The following TMEM72 variants were observed in gnomAD, a reference collection of about 807,000 sequenced individuals.
TMEM72 encodes the protein transmembrane protein 72.
In TMEM72, 9 loss-of-function variants were observed where a neutral mutation model predicts 16.3. That is an observed-to-expected ratio of 0.55 (90% confidence interval 0.33 to 0.96). The LOEUF (loss-of-function observed/expected upper bound fraction) is 0.96, where lower values mean the gene tolerates loss of function less well. Among genes scored for constraint, TMEM72 ranks in the 40% least tolerant of loss-of-function variants. The pLI is 0.03. For missense variants in TMEM72, 324 were observed against 337.8 expected, an observed-to-expected ratio of 0.96 and a Z score of 0.32; for synonymous variants, 160 against 146.5, an observed-to-expected ratio of 1.09 and a Z score of -0.66.
intron 1 of TMEM72, among the ~76,000 whole-genome samples, chr10:44,925,395 A>T (rs1364519280): frequency 6.6e-6 from 1 of 152,210 alleles, no homozygotes; most frequent in Non-Finnish European, 1.5e-5. Flanking sequence ...GCCCCCTGCA[A>T]ATTGGCCAAC....
In TMEM72 at chr10:44,933,625, C is replaced by T; in HGVS notation, c.210-12C>T. ...GGGACACATTATGCTAACCTGGACT[C>T]CCTCTCCCCAGGTGTCAACCAGGGT... is the stretch of plus-strand genomic sequence containing the variant. On this transcript the variant is annotated splice_polypyrimidine_tract_variant and intron_variant, in intron 3 of 4. Transcript: ENST00000389583. The T allele has an allele frequency of 6.2e-7, 1 of 1,610,678 alleles. No homozygotes were observed. Among genetic ancestry groups the T allele is most frequent in the Non-Finnish European group, 8.5e-7 (1 of 1,177,552 alleles).
At position 44,911,502 on chromosome 10, in the gene TMEM72, C is replaced by T. The variant is rs1839936867; in HGVS notation, c.-11C>T. ...CTGCCCTGCCAGGACTTTGTCCTCACCCCTGGCACCATGCAGCTCCAGGTG... is the reference window on the plus strand; with the variant it reads ...CTGCCCTGCCAGGACTTTGTCCTCATCCCTGGCACCATGCAGCTCCAGGTG... On this transcript the variant is annotated 5_prime_UTR_variant, in exon 1 of 5. Coordinates refer to ENST00000389583, the MANE Select transcript of TMEM72 (RefSeq NM_001123376.3). The T allele has an allele frequency of 3.2e-6, 5 of 1,550,546 alleles. No homozygotes were observed. The highest frequency in any genetic ancestry group is 1.4e-5 in the African/African-American group (1 of 73,188).
chr10:44,927,277 A>T (rs186283525), intron 1 of TMEM72, among the ~76,000 whole-genome samples: 154 of 152,328 alleles, frequency 1.0e-3, no homozygotes, highest in South Asian at 2.1e-4. Flanking sequence ...GAGCACCCAG[A>T]GACAGCAAGT....
chr10:44,928,425 T>C (rs1453286100), intron 2 of TMEM72, among the ~76,000 whole-genome samples: 1 of 151,654 alleles, frequency 6.6e-6, no homozygotes, highest in Non-Finnish European at 1.5e-5. Context: ...CATCTACCTA[T>C]CCACTTGCCT....
Position 44,935,240 on chromosome 10 carries a change from G to A in TMEM72, c.*106G>A, listed in dbSNP as rs1176645121. On this transcript the variant is annotated 3_prime_UTR_variant, in exon 5 of 5. Coordinates refer to ENST00000389583, the MANE Select transcript of TMEM72 (RefSeq NM_001123376.3). ...TGGTCAGCTTTTCAAGGGGTAACCA[G>A]ACACCCCCACACTGGCTGGGCCCCT... The A allele has an allele frequency of 1.7e-6, 2 of 1,168,764 alleles. No homozygotes were observed. Among genetic ancestry groups the A allele is most frequent in the African/African-American group, 1.6e-5 (1 of 64,122 alleles). 72.4% of individuals were successfully genotyped at this position (1,168,764 alleles called of 1,614,324 possible).
chr10:44,911,670 C>A, intron 1 of TMEM72, 88 bp downstream of exon 1: 1 of 1,431,772 alleles, frequency 7.0e-7, no homozygotes, highest in Non-Finnish European at 9.5e-7. Context: ...CAGGAGACAG[C>A]AGGCACATCT....
chr10:44,920,442 G>A (rs539028417), intron 1 of TMEM72, among the ~76,000 whole-genome samples: 2 of 152,358 alleles, frequency 1.3e-5, no homozygotes, highest in South Asian at 4.1e-4. Flanking sequence ...GCTGGCCTGA[G>A]CCCCGTGGGG....
At chr10:44,916,308 C>T (rs1840013829) in intron 1 of TMEM72, among the ~76,000 whole-genome samples, 1 of 152,148 alleles carries the variant, frequency 6.6e-6, no homozygotes, top group Non-Finnish European at 1.5e-5. Flanking sequence ...TATTTTGTTC[C>T]AGGTTTTGAC....
At chr10:44,925,946 T>TACACACACACTC (rs1222728374) in intron 1 of TMEM72, among the ~76,000 whole-genome samples, 4 of 149,988 alleles carry the variant, frequency 2.7e-5, no homozygotes, top group African/African-American at 9.8e-5. Flanking sequence ...CACACACACT[T>TACACACACACTC]ACACACACAC....
intron 1 of TMEM72, among the ~76,000 whole-genome samples, chr10:44,921,136 A>G (rs1237630894): frequency 1.3e-5 from 2 of 152,232 alleles, no homozygotes; most frequent in Non-Finnish European, 2.9e-5. Context: ...CAGGAGGGAC[A>G]GAGACTGGAG....
intron 1 of TMEM72, among the ~76,000 whole-genome samples, chr10:44,914,020 GCCTCTT>G (rs1177517916): frequency 6.6e-6 from 1 of 152,202 alleles, no homozygotes; most frequent in African/African-American, 2.4e-5. Flanking sequence ...CTCATTAGCA[GCCTCTT>G]CCCTGGACCC....
intron 1 of TMEM72, among the ~76,000 whole-genome samples, chr10:44,916,831 G>T (rs1840020038): frequency 6.6e-6 from 1 of 152,070 alleles, no homozygotes; most frequent in Admixed American, 6.5e-5. Context: ...CCTGTGCCTT[G>T]CTTCTAGATT....
At position 44,932,948 on chromosome 10, in the gene TMEM72, T is replaced by G. The variant is rs567464325; in HGVS notation, c.210-689T>G. On this transcript the variant is annotated intron_variant, in intron 3 of 4. Transcript: ENST00000389583. ...AGTGCTTTGGGCCACCTGGACAGCC[T>G]GAGCACTCCCTCAAAGCTAGAGGGG... is the stretch of plus-strand genomic sequence containing the variant. Among the ~76,000 whole-genome samples the G allele has an allele frequency of 6.6e-5, 10 of 152,304 alleles. No homozygotes were observed. The South Asian group carries it at 1.4e-3, about 22-fold the overall frequency.
intron 3 of TMEM72, 33 bp from the exon 4 acceptor site, chr10:44,933,604 C>T (rs1840341379): frequency 1.9e-6 from 3 of 1,592,444 alleles, no homozygotes; most frequent in Non-Finnish European, 8.6e-7. Context: ...TTTCCTGGGA[C>T]ACATTATGCT....
rs974044598 is a variant in TMEM72, at chr10:44,935,406, G to A, written c.*272G>A. ...GGAAACCCTTATGCTTCCCCAACAA[G>A]ACCATCACTGCCACTGCGCACGAGG... is the stretch of plus-strand genomic sequence containing the variant. On this transcript the variant is annotated 3_prime_UTR_variant, in exon 5 of 5. Coordinates refer to ENST00000389583, the MANE Select transcript of TMEM72 (RefSeq NM_001123376.3). The A allele has an allele frequency of 5.0e-6, 2 of 403,950 alleles. No individual in the cohort carries two copies. Among genetic ancestry groups the A allele is most frequent in the African/African-American group, 4.1e-5 (2 of 49,072 alleles). 25.0% of individuals were successfully genotyped at this position (403,950 alleles called of 1,614,324 possible).
intron 1 of TMEM72, among the ~76,000 whole-genome samples, chr10:44,919,685 A>AGG (rs1351606328): frequency 4.6e-5 from 7 of 152,344 alleles, no homozygotes; most frequent in African/African-American, 1.7e-4. Flanking sequence ...AAGGCTCAAT[A>AGG]TCGTTAAGAC....
intron 1 of TMEM72, among the ~76,000 whole-genome samples, chr10:44,916,441 G>A (rs550639451): frequency 6.6e-6 from 1 of 152,286 alleles, no homozygotes; most frequent in South Asian, 2.1e-4. Context: ...TTAAAACCCA[G>A]CTGTTCTCAT....
At chr10:44,934,367 C>T (rs1325378308) in intron 4 of TMEM72, among the ~76,000 whole-genome samples, 1 of 152,188 alleles carries the variant, frequency 6.6e-6, no homozygotes, top group Non-Finnish European at 1.5e-5. Flanking sequence ...GTGCCCCCTC[C>T]TCATGAACCC....
At chr10:44,922,526 G>A (rs1359097253) in intron 1 of TMEM72, among the ~76,000 whole-genome samples, 1 of 152,198 alleles carries the variant, frequency 6.6e-6, no homozygotes, top group East Asian at 1.9e-4. Context: ...AGCACACCAG[G>A]CTAGGAGCTT....
Sources: allele counts gnomAD v4.1 joint callset (sites outside exome capture counted in the v4.1 genomes callset), GRCh38; gene constraint gnomAD v4.1.1; transcripts MANE v1.5; gene names NCBI Gene and HGNC (gene_info 2026-07-23, HGNC 2026-07-21).